The following TCF12 variants were observed in gnomAD, a reference collection of about 807,000 sequenced individuals.
The protein encoded by TCF12 is transcription factor 12, also known as DNA-binding protein HTF4.
TCF12 carries 45 observed loss-of-function variants against 86.0 expected under a neutral mutation model. The observed-to-expected ratio is 0.52, with a 90% CI of 0.41 to 0.67. The LOEUF is 0.67. Ranked by LOEUF, TCF12 falls within the 30% of genes least tolerant of loss-of-function variation. The pLI is 0.00. For missense variants in TCF12, 881 were observed against 859.9 expected (o/e 1.02, Z -0.31); for synonymous variants, 330 against 299.6 (o/e 1.10, Z -1.05).
chr15:57,250,944 T>C lies in TCF12; in HGVS notation c.1115-406T>C, dbSNP rs572212965. On this transcript the variant is annotated intron_variant, in intron 13 of 20. Transcript: ENST00000333725. ...CAAAACCAAAAAAACAGACTAGGTG[T>C]AGAGAATAAGGGAAATAATAATGTA... is the stretch of plus-strand genomic sequence containing the variant. Among the ~76,000 whole-genome samples, 3 of 141,586 alleles carry C rather than the reference T, an allele frequency of 2.1e-5. No individual in the cohort carries two copies. In the South Asian group the frequency reaches 6.6e-4, roughly 31 times the overall value. 92.9% of individuals were successfully genotyped at this position (141,586 alleles called of 152,430 possible).
At chr15:56,993,754 C>T (rs2063565028) in intron 3 of TCF12, among the ~76,000 whole-genome samples, 1 of 152,128 alleles carries the variant, frequency 6.6e-6, no homozygotes, top group Non-Finnish European at 1.5e-5. Flanking sequence ...CTAATCCTAA[C>T]CAAATGAATC....
At chr15:56,952,749 G>C (rs772326825) in intron 3 of TCF12, among the ~76,000 whole-genome samples, 1 of 152,022 alleles carries the variant, frequency 6.6e-6, no homozygotes, top group Non-Finnish European at 1.5e-5. Context: ...CACTAATTCT[G>C]GTACTTTCTG....
At chr15:57,233,658 G>A (rs2059262423) in intron 11 of TCF12, among the ~76,000 whole-genome samples, 2 of 152,026 alleles carry the variant, frequency 1.3e-5, no homozygotes, top group Non-Finnish European at 2.9e-5. Flanking sequence ...TCCATTTTTA[G>A]CAGAGATGGG....
chr15:57,151,369 A>G (rs2053745851), intron 5 of TCF12, among the ~76,000 whole-genome samples: 1 of 19,726 alleles, frequency 5.1e-5, no homozygotes, highest in Non-Finnish European at 4.4e-4. Context: ...TATTCACTTC[A>G]GAAGAAAAAA....
At chr15:57,040,030 T>G (rs1337808457) in intron 3 of TCF12, among the ~76,000 whole-genome samples, 4 of 152,232 alleles carry the variant, frequency 2.6e-5, no homozygotes, top group Admixed American at 2.6e-4. Context: ...AGTCTCTCTT[T>G]TATCTCACTT....
intron 5 of TCF12, among the ~76,000 whole-genome samples, chr15:57,104,871 T>TG (rs1308506084): frequency 6.0e-5 from 8 of 133,478 alleles, no homozygotes; most frequent in African/African-American, 1.7e-4. Context: ...GTTTTTTTTT[T>TG]TTTTTTTTTT....
At chr15:57,081,248 G>A (rs1224119257) in intron 4 of TCF12, among the ~76,000 whole-genome samples, 2 of 152,024 alleles carry the variant, frequency 1.3e-5, no homozygotes, top group African/African-American at 2.4e-5. Flanking sequence ...GCCTGTCATT[G>A]AGCCATTCAG....
chr15:57,162,800 C>T (rs2054591045), intron 5 of TCF12, among the ~76,000 whole-genome samples: 1 of 151,988 alleles, frequency 6.6e-6, no homozygotes, highest in Admixed American at 6.6e-5. Context: ...TAATATTCAC[C>T]TTTAACCTTG....
intron 7 of TCF12, among the ~76,000 whole-genome samples, chr15:57,194,154 T>C (rs1216047081): frequency 6.6e-6 from 1 of 152,158 alleles, no homozygotes; most frequent in Non-Finnish European, 1.5e-5. Flanking sequence ...GGAGTAAATT[T>C]CAGAAAAATC....
intron 13 of TCF12, among the ~76,000 whole-genome samples, chr15:57,245,406 G>GT (rs763679152): frequency 1.4e-4 from 21 of 152,336 alleles, no homozygotes; most frequent in Non-Finnish European, 1.0e-4. Flanking sequence ...GAAGAATGAT[G>GT]TAACTCTAAC....
Position 57,237,437 on chromosome 15 carries a change from G to C in TCF12, c.1035+3330G>C, listed in dbSNP as rs763116920. Among the ~76,000 whole-genome samples, 58 of 152,014 alleles carry C rather than the reference G, an allele frequency of 3.8e-4. 1 individual carries two copies. Among genetic ancestry groups the C allele is most frequent in the Non-Finnish European group, 1.6e-4 (11 of 68,002 alleles). On this transcript the variant is annotated intron_variant, in intron 12 of 20. Coordinates refer to ENST00000333725, the MANE Select transcript of TCF12 (RefSeq NM_207037.2). The stretch of plus-strand genomic sequence containing the variant: ...CTTTTCATTAGCCTCTGGCTTATTG[G>C]CACCCTGCTGATTGGAATAGACCAT...
chr15:57,270,712 G>A (rs1402415715), intron 18 of TCF12, among the ~76,000 whole-genome samples: 2 of 152,110 alleles, frequency 1.3e-5, no homozygotes, highest in Admixed American at 1.3e-4. Flanking sequence ...ATCTACCTTT[G>A]GTCTTTGATG....
At chr15:57,168,724 T>A (rs1383525235) in intron 6 of TCF12, among the ~76,000 whole-genome samples, 1 of 152,180 alleles carries the variant, frequency 6.6e-6, no homozygotes, top group African/African-American at 2.4e-5. Context: ...CTTCTGAATC[T>A]CTTCAGAGTA....
intron 6 of TCF12, among the ~76,000 whole-genome samples, chr15:57,190,601 G>A (rs536863096): frequency 6.6e-6 from 1 of 152,076 alleles, no homozygotes; most frequent in Non-Finnish European, 1.5e-5. Context: ...TCAAGTCTCT[G>A]TGATCCTATT....
intron 3 of TCF12, among the ~76,000 whole-genome samples, chr15:57,024,086 T>A (rs958542119): frequency 6.6e-5 from 10 of 152,132 alleles, no homozygotes; most frequent in Non-Finnish European, 1.3e-4. Context: ...AGTAATCTGT[T>A]GCCCAGGGGT....
intron 3 of TCF12, among the ~76,000 whole-genome samples, chr15:56,928,795 T>C (rs1415195796): frequency 2.0e-5 from 3 of 152,192 alleles, no homozygotes; most frequent in African/African-American, 7.2e-5. Context: ...CTACTTGAAA[T>C]TCTTTCTGGA....
At chr15:57,024,784 C>G (rs1181579657) in intron 3 of TCF12, among the ~76,000 whole-genome samples, 2 of 152,134 alleles carry the variant, frequency 1.3e-5, no homozygotes, top group Non-Finnish European at 2.9e-5. Flanking sequence ...TACATTAGCT[C>G]CACATATAAA....
intron 6 of TCF12, among the ~76,000 whole-genome samples, chr15:57,189,059 G>A (rs1405667795): frequency 6.6e-6 from 1 of 152,170 alleles, no homozygotes; most frequent in Non-Finnish European, 1.5e-5. Flanking sequence ...AAAGTAATAG[G>A]ATCACAGGCG....
chr15:57,137,261 C>T (rs1386723967), intron 5 of TCF12, among the ~76,000 whole-genome samples: 8 of 152,090 alleles, frequency 5.3e-5, no homozygotes, highest in African/African-American at 1.7e-4. Flanking sequence ...GGATTACAGG[C>T]GTGAGCCACC....
Sources: gnomAD v4.1 joint callset for allele counts (sites outside exome capture counted in the v4.1 genomes callset) on GRCh38, gnomAD v4.1.1 for gene constraint, MANE v1.5 for transcripts, NCBI Gene and HGNC (gene_info 2026-07-23, HGNC 2026-07-21) for gene names.